The following FBXL18 variants were observed in gnomAD, a reference collection of about 807,000 sequenced individuals.
FBXL18 encodes F-box/LRR-repeat protein 18.
Under a neutral mutation model 46.0 loss-of-function variants are expected in FBXL18, and 36 were observed. The ratio of observed to expected loss-of-function variants is 0.78; its 90% CI spans 0.60 to 1.03. FBXL18 has a LOEUF of 1.03. Among genes scored for constraint, FBXL18 ranks in the 50% least tolerant of loss-of-function variants. The probability of loss-of-function intolerance (pLI) is 0.00; values close to 1 mark genes in which losing one functional copy is unlikely to be tolerated. For missense variants in FBXL18, 977 were observed against 1,004.1 expected, an observed-to-expected ratio of 0.97 and a Z score of 0.36; for synonymous variants, 557 against 465.3, an observed-to-expected ratio of 1.20 and a Z score of -2.54.
At chr7:5,494,091 G>A (rs541535050) in intron 3 of FBXL18, among the ~76,000 whole-genome samples, 2 of 151,898 alleles carry the variant, frequency 1.3e-5, no homozygotes, top group South Asian at 4.2e-4. Context: ...TGACCAACAT[G>A]GAAAAACCCC....
At position 5,501,980 on chromosome 7, in the gene FBXL18, G is replaced by A; in HGVS notation, c.289C>T (p.Gln97Ter). 6.2e-7 allele frequency: 1 copy of A among 1,607,788 alleles called. No individual in the cohort carries two copies. The highest frequency in any genetic ancestry group is 8.5e-7 in the Non-Finnish European group (1 of 1,177,806). The stretch of plus-strand genomic sequence containing the variant: ...TAGCAGCCAGCCATGCTCAGCTGCT[G>A]GATCTCCCGGCCGATCTCCTTCACC... ...QLVKEIGREI[Q>*]QLSMAGCYWL... is the part of the protein sequence containing the mutation. Residue 97 changes from glutamine to a stop codon, truncating the protein, a stop_gained, in exon 3 of 5, where the codon CAG becomes TAG. Transcript: ENST00000382368. LOFTEE classifies it high-confidence loss of function.
chr7:5,463,729 T>TATATATA (rs1562672305), intron 4 of FBXL18, among the ~76,000 whole-genome samples: 15 of 10,062 alleles, frequency 1.5e-3, no homozygotes, highest in African/African-American at 1.6e-3. Context: ...TATTTATTTA[T>TATATATA]TTTTTTTTTT....
chr7:5,483,633 A>G (rs1783702596), intron 4 of FBXL18, among the ~76,000 whole-genome samples: 1 of 151,604 alleles, frequency 6.6e-6, no homozygotes, highest in Admixed American at 6.6e-5. Flanking sequence ...AATCCCAGCT[A>G]CTTGGAAGGC....
At chr7:5,470,216 G>A (rs944381375) in intron 4 of FBXL18, among the ~76,000 whole-genome samples, 5 of 152,152 alleles carry the variant, frequency 3.3e-5, no homozygotes, top group African/African-American at 4.8e-5. Context: ...CATGCTGGCC[G>A]AGGGGGCCTG....
intron 4 of FBXL18, among the ~76,000 whole-genome samples, chr7:5,468,102 T>C (rs368616248): frequency 1.6e-4 from 25 of 151,670 alleles, no homozygotes; most frequent in East Asian, 1.9e-4. Flanking sequence ...CCTGCCTCAG[T>C]CTCCCGAGTA....
chr7:5,454,884 A>G (rs1783151073), intron 4 of FBXL18, among the ~76,000 whole-genome samples: 1 of 152,178 alleles, frequency 6.6e-6, no homozygotes, highest in Non-Finnish European at 1.5e-5. Context: ...GTGAGAGAGG[A>G]CGCGCTGCTT....
chr7:5,512,334 G>A (rs1374539879), intron 1 of FBXL18, among the ~76,000 whole-genome samples: 1 of 145,518 alleles, frequency 6.9e-6, no homozygotes, highest in Non-Finnish European at 1.5e-5. Context: ...GCAGAGTCCA[G>A]CTGGGTGCTG....
intron 4 of FBXL18, among the ~76,000 whole-genome samples, chr7:5,470,794 T>C (rs1428255481): frequency 1.3e-5 from 2 of 151,726 alleles, no homozygotes; most frequent in African/African-American, 4.8e-5. Context: ...GGGACACAGG[T>C]GACATCCTTT....
chr7:5,470,466 G>A (rs371770104), intron 4 of FBXL18, among the ~76,000 whole-genome samples: 1 of 152,178 alleles, frequency 6.6e-6, no homozygotes, highest in African/African-American at 2.4e-5. Context: ...GAGCTGCCAC[G>A]AAACCCGAGA....
intron 4 of FBXL18, among the ~76,000 whole-genome samples, chr7:5,463,581 G>A (rs946703157): frequency 6.6e-6 from 1 of 151,112 alleles, no homozygotes; most frequent in African/African-American, 2.4e-5. Flanking sequence ...ATTGTGCCAC[G>A]GCACTCCCTC....
intron 4 of FBXL18, among the ~76,000 whole-genome samples, chr7:5,467,337 C>T (rs142152389): frequency 0.035 from 5,305 of 150,844 alleles, 325 homozygotes; most frequent in African/African-American, 0.12. Context: ...GGTGACAGAG[C>T]GAGACTCCGT....
chr7:5,463,238 T>C (rs1031388017), intron 4 of FBXL18, among the ~76,000 whole-genome samples: 1 of 151,464 alleles, frequency 6.6e-6, no homozygotes, highest in African/African-American at 2.4e-5. Context: ...GGAGAACAGG[T>C]TGGCATTTCC....
At chr7:5,456,792 C>G (rs1783181146) in intron 4 of FBXL18, among the ~76,000 whole-genome samples, 1 of 152,170 alleles carries the variant, frequency 6.6e-6, no homozygotes, top group Non-Finnish European at 1.5e-5. Context: ...GAGACAGAGT[C>G]TTGTTCTGTC....
intron 3 of FBXL18, among the ~76,000 whole-genome samples, chr7:5,492,842 G>A (rs1412268568): frequency 6.6e-6 from 1 of 152,084 alleles, no homozygotes; most frequent in Admixed American, 6.6e-5. Context: ...TCCTCAGAAG[G>A]AATGAACCAT....
At chr7:5,466,559 G>A (rs1284232690) in intron 4 of FBXL18, among the ~76,000 whole-genome samples, 1 of 152,206 alleles carries the variant, frequency 6.6e-6, no homozygotes, top group Non-Finnish European at 1.5e-5. Flanking sequence ...CGGCCCTGGT[G>A]ATTGGACTGG....
chr7:5,496,674 GA>G lies in FBXL18; in HGVS notation c.1781+3813del, dbSNP rs1381700139. Among the ~76,000 whole-genome samples the G allele has an allele frequency of 1.3e-5, 2 of 152,118 alleles. No homozygotes were observed. Among genetic ancestry groups the G allele is most frequent in the Non-Finnish European group, 2.9e-5 (2 of 68,034 alleles). On this transcript the variant is annotated intron_variant, in intron 3 of 4. Coordinates refer to ENST00000382368, the MANE Select transcript of FBXL18 (RefSeq NM_024963.6). The surrounding 1 kb of genome is among the most constrained non-coding windows in gnomAD (Gnocchi z 4.8). ...AGGCAAGAGGATCACTTGAGCCCAGGAGTTCAAGACCAGCCCGGGCAACACA... is the reference window on the plus strand; with the variant it reads ...AGGCAAGAGGATCACTTGAGCCCAGGGTTCAAGACCAGCCCGGGCAACACA...
At chr7:5,490,124 G>C in intron 4 of FBXL18, 1 of 1,360,788 alleles carries the variant, frequency 7.3e-7, no homozygotes, top group Non-Finnish European at 9.8e-7. Flanking sequence ...CAGGGTTGTC[G>C]GCGCCCAGTG....
chr7:5,470,812 C>T (rs137982635), downstream of FBXL18, among the ~76,000 whole-genome samples: 9 of 152,284 alleles, frequency 5.9e-5, no homozygotes, highest in African/African-American at 1.4e-4. Context: ...TTTGCTCTCC[C>T]AGCGCGGCCG....
chr7:5,505,451 C>T lies in FBXL18; in HGVS notation c.198G>A (p.Lys66=), dbSNP rs371112907. ...GCAGCAACACGGTGTGGATGAGGCT[C>T]TTGTCAAGGCACAGGGCTGCAAGCT... The part of the protein sequence containing the change: ...CRKLAALCLD[K]SLIHTVLLQK... The change falls in exon 2 of 5, where the codon AAG becomes AAA. Residue 66 remains lysine (K), a synonymous_variant. Transcript: ENST00000382368. 6.2e-7 allele frequency: 1 copy of T among 1,614,148 alleles called. No individual in the cohort carries two copies. Among genetic ancestry groups the T allele is most frequent in the South Asian group, 1.1e-5 (1 of 91,078 alleles).
Sources: gnomAD v4.1 joint callset for allele counts (sites outside exome capture counted in the v4.1 genomes callset) on GRCh38, gnomAD v4.1.1 for gene constraint, Gnocchi (gnomAD v3.1) non-coding constraint, MANE v1.5 for transcripts, NCBI Gene and HGNC (gene_info 2026-07-23, HGNC 2026-07-21) for gene names.